Variants in MSI2 observed in about 807,000 individuals in gnomAD.
The protein encoded by MSI2 is RNA-binding protein Musashi homolog 2.
A neutral mutation model predicts 45.6 loss-of-function variants in MSI2; 17 were observed. The observed-to-expected ratio is 0.37, with a 90% CI of 0.26 to 0.56. The LOEUF (loss-of-function observed/expected upper bound fraction) is 0.56. Ranked by LOEUF, MSI2 falls within the 20% of genes least tolerant of loss-of-function variation. MSI2 has a pLI of 0.77. For missense variants in MSI2, 293 were observed against 444.2 expected, an observed-to-expected ratio of 0.66 and a Z score of 3.06; for synonymous variants, 156 against 158.2, an observed-to-expected ratio of 0.99 and a Z score of 0.11.
At chr17:57,501,557 A>G (rs1164955945) in intron 6 of MSI2, among the ~76,000 whole-genome samples, 1 of 152,214 alleles carries the variant, frequency 6.6e-6, no homozygotes, top group African/African-American at 2.4e-5. Flanking sequence ...TTCTGCGCAC[A>G]GAATATTGTT....
intron 8 of MSI2, among the ~76,000 whole-genome samples, chr17:57,603,680 C>G (rs1281701680): frequency 9.9e-5 from 15 of 152,234 alleles, no homozygotes. Flanking sequence ...CTACTCAGCC[C>G]TGCCATTGTA....
intron 5 of MSI2, chr17:57,286,112 C>T: frequency 1.3e-6 from 1 of 750,916 alleles, no homozygotes; most frequent in South Asian, 2.8e-5. Flanking sequence ...TTTCTTTTGT[C>T]TAATACCTAA....
intron 5 of MSI2, among the ~76,000 whole-genome samples, chr17:57,312,813 C>T (rs1032119973): frequency 7.9e-5 from 12 of 152,106 alleles, no homozygotes; most frequent in African/African-American, 2.9e-4. Flanking sequence ...ATTATAGTTC[C>T]AAGGGGGGTT....
chr17:57,694,680 G>A, the MSI2 span, among the ~76,000 whole-genome samples: 1 of 152,054 alleles, frequency 6.6e-6, no homozygotes, highest in African/African-American at 2.4e-5. Context: ...TCACAGATCT[G>A]TACATCACTC....
chr17:57,647,194 C>T (rs1312540115), intron 10 of MSI2, among the ~76,000 whole-genome samples: 1 of 146,124 alleles, frequency 6.8e-6, no homozygotes, highest in African/African-American at 2.5e-5. Flanking sequence ...TTTGAGAGGC[C>T]AAGGTGGGCA....
At chr17:57,595,616 G>A (rs747900440) in intron 7 of MSI2, among the ~76,000 whole-genome samples, 3 of 151,566 alleles carry the variant, frequency 2.0e-5, no homozygotes, top group Non-Finnish European at 2.9e-5. Context: ...TTCTGTAAGG[G>A]CACTAATTCC....
intron 6 of MSI2, among the ~76,000 whole-genome samples, chr17:57,468,159 A>G (rs1223570587): frequency 6.6e-6 from 1 of 151,834 alleles, no homozygotes; most frequent in East Asian, 1.9e-4. Context: ...CCGCATCTGT[A>G]AAATGGAGGA....
intron 6 of MSI2, among the ~76,000 whole-genome samples, chr17:57,477,515 C>T (rs542322273): frequency 6.6e-5 from 10 of 152,236 alleles, no homozygotes; most frequent in East Asian, 1.9e-4. Context: ...CCCCACCTCC[C>T]GCAAGCAAAG....
intron 7 of MSI2, among the ~76,000 whole-genome samples, chr17:57,565,081 T>A (rs1465046379): frequency 6.6e-6 from 1 of 152,160 alleles, no homozygotes; most frequent in East Asian, 1.9e-4. Context: ...CTCAGAGACA[T>A]GGTTACTTGC....
chr17:57,424,516 A>G (rs956805057), intron 6 of MSI2, among the ~76,000 whole-genome samples: 21 of 152,106 alleles, frequency 1.4e-4, no homozygotes, highest in African/African-American at 5.1e-4. Flanking sequence ...ATCCTTTGAA[A>G]GTTTTCTCAT....
intron 5 of MSI2, among the ~76,000 whole-genome samples, chr17:57,373,078 C>T (rs941101926): frequency 2.0e-5 from 3 of 151,992 alleles, no homozygotes; most frequent in Admixed American, 1.3e-4. Context: ...GTGGTAGAGA[C>T]ATATCTGTCT....
chr17:57,575,742 G>C (rs1157870445), intron 7 of MSI2, among the ~76,000 whole-genome samples: 4 of 151,664 alleles, frequency 2.6e-5, no homozygotes, highest in Non-Finnish European at 5.9e-5. Context: ...TCAGGAGATC[G>C]AGACCATCCT....
At chr17:57,510,408 T>TG (rs528161271) in intron 6 of MSI2, among the ~76,000 whole-genome samples, 60 of 151,770 alleles carry the variant, frequency 4.0e-4, no homozygotes, top group Non-Finnish European at 7.1e-4. Flanking sequence ...TTGTTTTTTT[T>TG]TTTGTTTGTT....
intron 6 of MSI2, among the ~76,000 whole-genome samples, chr17:57,411,544 G>A (rs998569194): frequency 6.6e-6 from 1 of 152,186 alleles, no homozygotes; most frequent in Non-Finnish European, 1.5e-5. Flanking sequence ...AGGAAGACTA[G>A]GAGAGCATAA....
intron 5 of MSI2, among the ~76,000 whole-genome samples, chr17:57,331,236 G>T (rs1402936856): frequency 6.6e-6 from 1 of 152,164 alleles, no homozygotes; most frequent in African/African-American, 2.4e-5. Flanking sequence ...TCTCAGAGCA[G>T]TTTAAATTAA....
chr17:57,280,676 T>C lies in MSI2; in HGVS notation c.312+18484T>C, dbSNP rs1234072134. On this transcript the variant is annotated intron_variant, in intron 5 of 13. Transcript: ENST00000284073. The surrounding 1 kb of genome is among the most constrained non-coding windows in gnomAD (Gnocchi z 4.2). ...CCTTGGCTGGCAATCGGCATACTCT[T>C]AGTGACGGACCCCTATTGGTAAACT... Among the ~76,000 whole-genome samples, 2 of 152,144 alleles carry C rather than the reference T, an allele frequency of 1.3e-5. No homozygotes were observed. The highest frequency in any genetic ancestry group is 1.3e-4 in the Admixed American group (2 of 15,284).
intron 5 of MSI2, chr17:57,277,842 C>T (rs1427232015): frequency 6.6e-6 from 1 of 152,234 alleles, no homozygotes; most frequent in Non-Finnish European, 1.5e-5. Context: ...TTACTATTAA[C>T]AGCTCCATAG....
chr17:57,470,781 G>A (rs1598305834), intron 6 of MSI2, among the ~76,000 whole-genome samples: 1 of 152,300 alleles, frequency 6.6e-6, no homozygotes, highest in East Asian at 1.9e-4. Flanking sequence ...TGAAGAAGGC[G>A]GACCCTGAAG....
intron 7 of MSI2, among the ~76,000 whole-genome samples, chr17:57,590,396 G>A (rs569152000): frequency 4.4e-4 from 67 of 152,204 alleles, no homozygotes; most frequent in African/African-American, 1.5e-3. Context: ...GAGGTATCTC[G>A]TTTTCAGATT....
Sources: gnomAD v4.1 joint callset for allele counts (sites outside exome capture counted in the v4.1 genomes callset) on GRCh38, gnomAD v4.1.1 for gene constraint, Gnocchi (gnomAD v3.1) non-coding constraint, MANE v1.5 for transcripts, NCBI Gene and HGNC (gene_info 2026-07-23, HGNC 2026-07-21) for gene names.